Variants in STAT5A observed in about 807,000 individuals in gnomAD.
STAT5A encodes the protein signal transducer and activator of transcription 5A, also known as epididymis secretory sperm binding protein.
In STAT5A, 26 loss-of-function variants were observed where a neutral mutation model predicts 100.2. The ratio of observed to expected loss-of-function variants is 0.26; its 90% confidence interval spans 0.19 to 0.36. The LOEUF (loss-of-function observed/expected upper bound fraction) is 0.36, where lower values mean the gene tolerates loss of function less well. STAT5A is among the 10% of genes least tolerant of loss of function. STAT5A has a pLI of 1.00. For synonymous variants in STAT5A, 330 were observed against 424.3 expected (o/e 0.78, Z 2.73); for missense variants, 634 against 1,027.5 (o/e 0.62, Z 5.24).
rs576915244 is a variant in STAT5A, at chr17:42,296,994, G to A, written c.550+1201G>A. Among the ~76,000 whole-genome samples the A allele has an allele frequency of 2.3e-4, 35 of 152,240 alleles. 1 individual carries two copies. In the East Asian group the frequency reaches 5.8e-3, roughly 25 times the overall value. ...TGCCCAGGCTGGAGTGCAGTGGCAC[G>A]ATCTCATCTCACTGCGACCTCTGCC... On this transcript the variant is annotated intron_variant, in intron 5 of 18. Coordinates refer to ENST00000590949, the MANE Select transcript of STAT5A (RefSeq NM_001288718.2).
chr17:42,307,770 T>C (rs1483803662), intron 15 of STAT5A, 47 bp downstream of exon 15: 76 of 1,595,452 alleles, frequency 4.8e-5, no homozygotes, highest in Non-Finnish European at 5.7e-5. Flanking sequence ...CCCGGTCTCT[T>C]GTTCCCTTGC....
chr17:42,310,999 A>G lies in STAT5A; in HGVS notation c.*330A>G. 2 of 319,362 alleles carry G rather than the reference A, an allele frequency of 6.3e-6. No individual in the cohort carries two copies. The highest frequency in any genetic ancestry group is 1.2e-5 in the Non-Finnish European group (2 of 165,472). 19.8% of individuals were successfully genotyped at this position (319,362 alleles called of 1,614,324 possible). Reference sequence around the variant, plus strand: ...TGGGCCCCTCATCTGCTCAGCAGCTATTTGAATGAGATGATTCAGAAGGGG... The same window carrying G: ...TGGGCCCCTCATCTGCTCAGCAGCTGTTTGAATGAGATGATTCAGAAGGGG... On this transcript the variant is annotated 3_prime_UTR_variant, in exon 19 of 19. Coordinates refer to ENST00000590949, the MANE Select transcript of STAT5A (RefSeq NM_001288718.2).
At chr17:42,301,761 T>C (rs2080982050) in intron 9 of STAT5A, among the ~76,000 whole-genome samples, 1 of 152,164 alleles carries the variant, frequency 6.6e-6, no homozygotes, top group South Asian at 2.1e-4. Flanking sequence ...CTCCTGAAAG[T>C]GTATTGCTTC....
intron 18 of STAT5A, among the ~76,000 whole-genome samples, chr17:42,310,016 C>T (rs1487979513): frequency 2.6e-5 from 4 of 152,212 alleles, no homozygotes; most frequent in Non-Finnish European, 5.9e-5. Context: ...CCAGGTGGCC[C>T]AGAGCAAGCT....
upstream of STAT5A, chr17:42,287,602 A>T (rs1282344860): frequency 1.3e-5 from 2 of 152,214 alleles, no homozygotes; most frequent in Non-Finnish European, 2.9e-5. Flanking sequence ...AGTTAGGAGG[A>T]CTCAAGACGG....
rs1308159770 is a variant in STAT5A at position 42,299,814 on chromosome 17, A to C, written c.614A>C (p.Gln205Pro). 1 of 1,613,676 alleles carries C rather than the reference A, an allele frequency of 6.2e-7. No individual in the cohort carries two copies. The highest frequency in any genetic ancestry group is 8.5e-7 in the Non-Finnish European group (1 of 1,179,904). ...CGTCTGAGCCGGGAGACGGCCCTCC[A>C]GCAGAAGCAGGTGTCTCTGGAGGCC... ...QERLSRETAL[Q>P]QKQVSLEAWL... Residue 205 changes from glutamine (Q) to proline (P), a missense_variant, in exon 6 of 19, where the codon CAG (glutamine) becomes CCG (proline). By Grantham distance (76) the Gln-to-Pro change is moderately conservative. Coordinates refer to ENST00000590949, the MANE Select transcript of STAT5A (RefSeq NM_001288718.2).
intron 1 of STAT5A, 42 bp from the exon 2 acceptor site, chr17:42,289,360 G>C: frequency 6.5e-7 from 1 of 1,537,452 alleles, no homozygotes; most frequent in Non-Finnish European, 8.7e-7. Context: ...CGGTTCCTTG[G>C]CCTCTGCAGA....
In STAT5A at chr17:42,300,776, C is replaced by T. The variant is rs1279722258; in HGVS notation, c.895C>T (p.Leu299Phe). Residue 299 changes from leucine to phenylalanine, a missense_variant, in exon 8 of 19, where the codon CTC becomes TTC. This residue lies in a region of STAT5A where 98 missense variants were observed against 149.7 expected (regional missense o/e 0.65). Transcript: ENST00000590949. ...NRQQIRRAEH[L>F]CQQLPIPGPV... ...GCAGCAGATCCGCAGGGCTGAGCAC[C>T]TCTGCCAGCAGCTGCCCATCCCCGG... 3 of 1,612,714 alleles carry T rather than the reference C, an allele frequency of 1.9e-6. No individual in the cohort carries two copies. Among genetic ancestry groups the T allele is most frequent in the African/African-American group, 1.3e-5 (1 of 74,838 alleles).
chr17:42,305,581 A>G (rs1046558725), intron 11 of STAT5A, 29 bp from the exon 12 acceptor site: 7 of 1,607,232 alleles, frequency 4.4e-6, no homozygotes, highest in Non-Finnish European at 6.0e-6. Flanking sequence ...GTCACGCCCC[A>G]TCAACTTGGG....
At chr17:42,289,762 G>C in intron 2 of STAT5A, 104 bp from the exon 3 acceptor site, 2 of 1,427,094 alleles carry the variant, frequency 1.4e-6, no homozygotes, top group South Asian at 3.0e-5. Flanking sequence ...GGGCCCTGGA[G>C]TGCCCTCGGT....
intron 5 of STAT5A, among the ~76,000 whole-genome samples, chr17:42,297,743 G>T (rs997990251): frequency 6.6e-6 from 1 of 152,246 alleles, no homozygotes; most frequent in East Asian, 1.9e-4. Context: ...GGATCTGTCC[G>T]TGCCTGGATG....
In STAT5A at chr17:42,292,007, C is replaced by A; in HGVS notation, c.321C>A (p.Arg107=). 6.2e-7 allele frequency: 1 copy of A among 1,613,998 alleles called. No homozygotes were observed. Among genetic ancestry groups the A allele is most frequent in the Non-Finnish European group, 8.5e-7 (1 of 1,179,914 alleles). The change falls in exon 4 of 19, where the codon CGC becomes CGA. Residue 107 remains arginine (R), a synonymous_variant. Transcript: ENST00000590949. ...ACCGCTGCCCCCTGGAGCTGGTCCG[C>A]TGCATCCGGCACATTCTGTACAATG... ...TYDRCPLELV[R]CIRHILYNEQ...
chr17:42,299,875 C>A lies in STAT5A; in HGVS notation c.675C>A (p.Tyr225Ter). The change falls in exon 6 of 19, where the codon TAC becomes TAA. Residue 225 changes from tyrosine to a stop codon, truncating the protein, a stop_gained. Coordinates refer to ENST00000590949, the MANE Select transcript of STAT5A (RefSeq NM_001288718.2). LOFTEE classifies it high-confidence loss of function. Reference sequence around the variant, plus strand: ...GTGAGGCACAGACACTGCAGCAGTACCGCGTGGTGAGTGGGGTCCTGGGCC... The same window carrying A: ...GTGAGGCACAGACACTGCAGCAGTAACGCGTGGTGAGTGGGGTCCTGGGCC... ...LQREAQTLQQ[Y>*]RVELAEKHQK... 2 of 1,608,020 alleles carry A rather than the reference C, an allele frequency of 1.2e-6. No homozygotes were observed. Among genetic ancestry groups the A allele is most frequent in the Non-Finnish European group, 1.7e-6 (2 of 1,178,390 alleles).
chr17:42,302,243 C>T (rs2080987468), intron 9 of STAT5A, among the ~76,000 whole-genome samples: 1 of 152,178 alleles, frequency 6.6e-6, no homozygotes. Flanking sequence ...AACTGTGATC[C>T]CAACAGAACT....
At chr17:42,292,617 G>A (rs902719009) in intron 4 of STAT5A, among the ~76,000 whole-genome samples, 4 of 150,172 alleles carry the variant, frequency 2.7e-5, no homozygotes, top group African/African-American at 4.9e-5. Flanking sequence ...GAGCCACCAC[G>A]CTTGGCGCCT....
rs981013046 is a variant in STAT5A, at chr17:42,304,980, C to A, written c.1380+328C>A. ...ATTTTGGGAGGCAGAAGAGGGAGGACTGCTTGAGTCCAGGAGTTCAAGACT... is the reference window on the plus strand; with the variant it reads ...ATTTTGGGAGGCAGAAGAGGGAGGAATGCTTGAGTCCAGGAGTTCAAGACT... On this transcript the variant is annotated intron_variant, in intron 11 of 18. Coordinates refer to ENST00000590949, the MANE Select transcript of STAT5A (RefSeq NM_001288718.2). The surrounding 1 kb of genome is among the most constrained non-coding windows in gnomAD (Gnocchi z 4.8). Among the ~76,000 whole-genome samples, 1 of 151,842 alleles carries A rather than the reference C, an allele frequency of 6.6e-6. No individual in the cohort carries two copies. Among genetic ancestry groups the A allele is most frequent in the South Asian group, 2.1e-4 (1 of 4,814 alleles).
chr17:42,289,350 C>A, intron 1 of STAT5A, 52 bp from the exon 2 acceptor site: 2 of 1,507,396 alleles, frequency 1.3e-6, no homozygotes, highest in Non-Finnish European at 1.8e-6. Context: ...GGGGCAGGCC[C>A]GGTTCCTTGG....
rs1352992163 is a variant in STAT5A, at chr17:42,311,661, GCTGAT to G, written c.*996_*1000del. The G allele has an allele frequency of 6.6e-6, 1 of 152,614 alleles. No individual in the cohort carries two copies. The highest frequency in any genetic ancestry group is 2.4e-5 in the African/African-American group (1 of 41,474). 9.5% of individuals were successfully genotyped at this position (152,614 alleles called of 1,614,324 possible). ...GTGGAATCTGGAGTGAGGGGTAAAAGCTGATCTGGTTTGACTCCGCTGGAGGTGGG... is the reference window on the plus strand; with the variant it reads ...GTGGAATCTGGAGTGAGGGGTAAAAGCTGGTTTGACTCCGCTGGAGGTGGG... On this transcript the variant is annotated 3_prime_UTR_variant, in exon 19 of 19. Transcript: ENST00000590949.
In STAT5A at chr17:42,304,641, T is replaced by A; in HGVS notation, c.1369T>A (p.Phe457Ile). ...QFSVGSNELV[F>I]QVKTLSLPVV... ...CAGTGTTGGCAGCAATGAGCTTGTG[T>A]TCCAGGTGAAGGTGAGACCCCCAGC... The change falls in exon 11 of 19, where the codon TTC (phenylalanine) becomes ATC (isoleucine). Residue 457 changes from phenylalanine (F) to isoleucine (I), a missense_variant. By Grantham distance (21) the Phe-to-Ile change is conservative (BLOSUM62 0). Around this residue, in one of 5 missense-constraint regions of STAT5A, gnomAD observed 210 missense variants for 428.4 expected, o/e 0.49. Coordinates refer to ENST00000590949, the MANE Select transcript of STAT5A (RefSeq NM_001288718.2). This position sits in a 1 kb window ranked among gnomAD's most constrained non-coding sequence, Gnocchi z 4.8. 6.2e-7 allele frequency: 1 copy of A among 1,614,156 alleles called. No individual in the cohort carries two copies. The highest frequency in any genetic ancestry group is 1.1e-5 in the South Asian group (1 of 91,082).
Sources: allele counts gnomAD v4.1 joint callset (sites outside exome capture counted in the v4.1 genomes callset), GRCh38; gene constraint gnomAD v4.1.1; regional missense constraint gnomAD v4.1.1; non-coding constraint Gnocchi (gnomAD v3.1); transcripts MANE v1.5; gene names NCBI Gene and HGNC (gene_info 2026-07-23, HGNC 2026-07-21).